NXPE2: variants seen among roughly 807,000 people sequenced by gnomAD.
NXPE2 encodes the protein NXPE family member 2.
Under a neutral mutation model 34.4 loss-of-function variants are expected in NXPE2, and 34 were observed. The observed-to-expected ratio is 0.99, with a 90% CI of 0.75 to 1.31. The LOEUF is 1.31. Among genes scored for constraint, NXPE2 ranks in the 40% most tolerant of loss-of-function variants. NXPE2 has a pLI of 0.00. For synonymous variants in NXPE2, 235 were observed against 231.3 expected (o/e 1.02, Z -0.15); for missense variants, 649 against 672.5 (o/e 0.97, Z 0.39).
At chr11:114,559,499 C>G in the NXPE2 span, among the ~76,000 whole-genome samples, 1 of 152,136 alleles carries the variant, frequency 6.6e-6, no homozygotes. Context: ...TTGCTTCCCA[C>G]AAAGCACTGG....
the NXPE2 span, among the ~76,000 whole-genome samples, chr11:114,624,482 C>A: frequency 6.6e-6 from 1 of 152,140 alleles, no homozygotes; most frequent in Middle Eastern, 3.2e-3. Context: ...ATAAGTATTG[C>A]CCATGGGTAA....
chr11:114,468,131 T>TAAAAA, the NXPE2 span, among the ~76,000 whole-genome samples: 1 of 135,756 alleles, frequency 7.4e-6, no homozygotes, highest in Non-Finnish European at 1.6e-5. Context: ...GCTGATGAGC[T>TAAAAA]AAAAAAAAAA....
At chr11:114,639,914 AATATT>A in the NXPE2 span, among the ~76,000 whole-genome samples, 16 of 116,292 alleles carry the variant, frequency 1.4e-4, no homozygotes, top group South Asian at 7.5e-4. Flanking sequence ...TATAAAATAT[AATATT>A]ATATTATATA....
the NXPE2 span, among the ~76,000 whole-genome samples, chr11:114,785,614 T>A: frequency 6.6e-6 from 1 of 152,140 alleles, no homozygotes; most frequent in Non-Finnish European, 1.5e-5. Context: ...CAAAAAGTGA[T>A]CCAATGAATT....
chr11:114,758,770 T>G, the NXPE2 span, among the ~76,000 whole-genome samples: 5 of 149,278 alleles, frequency 3.3e-5, no homozygotes, highest in African/African-American at 1.2e-4. Flanking sequence ...ATGTAATATA[T>G]TTTCATATTT....
chr11:114,613,025 C>A, the NXPE2 span, among the ~76,000 whole-genome samples: 8 of 152,068 alleles, frequency 5.3e-5, no homozygotes, highest in East Asian at 1.6e-3. Context: ...CTAGGGTAAC[C>A]ACTGTTACCT....
chr11:114,726,982 G>C, the NXPE2 span, among the ~76,000 whole-genome samples: 3 of 91,586 alleles, frequency 3.3e-5, no homozygotes, highest in African/African-American at 1.1e-4. Flanking sequence ...TTCTTTCTGA[G>C]ATCTCACCAG....
At chr11:114,641,775 G>A in the NXPE2 span, among the ~76,000 whole-genome samples, 2 of 151,952 alleles carry the variant, frequency 1.3e-5, no homozygotes, top group Non-Finnish European at 2.9e-5. Context: ...AAGGGGAAAA[G>A]AAAATACAGA....
the NXPE2 span, among the ~76,000 whole-genome samples, chr11:114,482,506 T>C: frequency 6.6e-6 from 1 of 152,184 alleles, no homozygotes; most frequent in Non-Finnish European, 1.5e-5. Flanking sequence ...TTAGAGCATA[T>C]TTTTCATTAG....
At chr11:114,469,146 GCT>G in the NXPE2 span, among the ~76,000 whole-genome samples, 1 of 107,506 alleles carries the variant, frequency 9.3e-6, no homozygotes, top group Non-Finnish European at 1.7e-5. Flanking sequence ...CTGGAGTCTT[GCT>G]CTGTCACCCA....
the NXPE2 span, among the ~76,000 whole-genome samples, chr11:114,577,049 ATATATATACATATATATATATAAAGT>A: frequency 4.4e-4 from 22 of 49,856 alleles, no homozygotes; most frequent in African/African-American, 1.4e-3. Flanking sequence ...ATAAAGTTAT[ATATATATACATATATATATATAAAGT>A]TATATATATA....
the NXPE2 span, among the ~76,000 whole-genome samples, chr11:114,549,033 C>T: frequency 2.0e-5 from 3 of 151,842 alleles, no homozygotes; most frequent in East Asian, 5.8e-4. Flanking sequence ...TAAGCAAATA[C>T]ATATGAGAAT....
chr11:114,675,007 T>C (rs1037655258), upstream of NXPE2, among the ~76,000 whole-genome samples: 2 of 151,582 alleles, frequency 1.3e-5, no homozygotes, highest in Admixed American at 1.3e-4. Context: ...CATACACAAA[T>C]CTATACATGT....
intron 2 of NXPE2, among the ~76,000 whole-genome samples, chr11:114,687,289 A>G (rs1321965188): frequency 6.6e-6 from 1 of 151,944 alleles, no homozygotes; most frequent in Non-Finnish European, 1.5e-5. Context: ...TAATTTTTCT[A>G]TATGTTAAGA....
At chr11:114,742,027 C>T in the NXPE2 span, among the ~76,000 whole-genome samples, 1 of 152,030 alleles carries the variant, frequency 6.6e-6, no homozygotes, top group Non-Finnish European at 1.5e-5. Flanking sequence ...TGTGGACATG[C>T]CCACTTCATA....
the NXPE2 span, among the ~76,000 whole-genome samples, chr11:114,587,934 A>G: frequency 6.6e-6 from 1 of 152,256 alleles, no homozygotes; most frequent in Non-Finnish European, 1.5e-5. Flanking sequence ...GGGAGCCTTA[A>G]TTTTAATACT....
the NXPE2 span, among the ~76,000 whole-genome samples, chr11:114,479,259 C>G: frequency 6.6e-6 from 1 of 152,042 alleles, no homozygotes; most frequent in Non-Finnish European, 1.5e-5. Flanking sequence ...GTTTTAAAGC[C>G]AGAGATTGGT....
chr11:114,651,014 A>T, the NXPE2 span, among the ~76,000 whole-genome samples: 2 of 152,156 alleles, frequency 1.3e-5, no homozygotes, highest in African/African-American at 2.4e-5. Context: ...GCACAAGGCA[A>T]CAAAGAATTT....
At chr11:114,735,433 A>C in the NXPE2 span, among the ~76,000 whole-genome samples, 1 of 152,142 alleles carries the variant, frequency 6.6e-6, no homozygotes, top group East Asian at 1.9e-4. Flanking sequence ...TCTAGAAATC[A>C]CTAGCTATGA....
Sources: allele counts gnomAD v4.1 joint callset (sites outside exome capture counted in the v4.1 genomes callset), GRCh38; gene constraint gnomAD v4.1.1; transcripts MANE v1.5; gene names NCBI Gene and HGNC (gene_info 2026-07-23, HGNC 2026-07-21).